DEF8: variants seen among roughly 807,000 people sequenced by gnomAD.
DEF8 encodes differentially expressed in FDCP 8 homolog.
A neutral mutation model predicts 59.1 loss-of-function variants in DEF8; 38 were observed. That is an observed-to-expected ratio of 0.64 (90% CI 0.50 to 0.84). DEF8 has a LOEUF of 0.84. Among genes scored for constraint, DEF8 ranks in the 40% least tolerant of loss-of-function variants. DEF8 has a pLI of 0.00. For synonymous variants in DEF8, 265 were observed against 250.1 expected, an observed-to-expected ratio of 1.06 and a Z score of -0.56; for missense variants, 557 against 615.2, an observed-to-expected ratio of 0.91 and a Z score of 1.00.
chr16:89,962,032 C>G lies in DEF8; in HGVS notation c.828C>G (p.Arg276=), dbSNP rs1311045053. The part of the protein sequence containing the change: ...EPRKVSRCSM[R]YLALMVSRPV... ...GGCAGGTTTCTCGCTGCAGCATGCG[C>G]TACCTGGCGCTGATGGTGTCTCGGC... The change falls in exon 9 of 13, where the codon CGC becomes CGG. Residue 276 remains arginine (R), a synonymous_variant. Coordinates refer to ENST00000563594, the MANE Select transcript of DEF8 (RefSeq NM_001242818.2). The G allele has an allele frequency of 6.2e-7, 1 of 1,613,958 alleles. No homozygotes were observed. Among genetic ancestry groups the G allele is most frequent in the Non-Finnish European group, 8.5e-7 (1 of 1,180,018 alleles).
chr16:89,964,336 T>C (rs1347991944), intron 11 of DEF8, 26 bp downstream of exon 11: 5 of 1,565,920 alleles, frequency 3.2e-6, no homozygotes, highest in Non-Finnish European at 4.3e-6. Flanking sequence ...AGGGCCGCTC[T>C]TCTCCAACCC....
chr16:89,955,778 T>A (rs192821673), intron 4 of DEF8, among the ~76,000 whole-genome samples: 410 of 152,238 alleles, frequency 2.7e-3, no homozygotes, highest in Non-Finnish European at 4.0e-3. Context: ...ATGATTTTTT[T>A]AAAAAAGTTT....
In DEF8 at chr16:89,964,170, C is replaced by T; in HGVS notation, c.1003C>T (p.Leu335Phe). 6.2e-7 allele frequency: 1 copy of T among 1,613,926 alleles called. No individual in the cohort carries two copies. Among genetic ancestry groups the T allele is most frequent in the Non-Finnish European group, 8.5e-7 (1 of 1,179,970 alleles). The change falls in exon 11 of 13, where the codon CTC (leucine) becomes TTC (phenylalanine). Residue 335 changes from leucine (L) to phenylalanine (F), a missense_variant and splice_region_variant. Leu to Phe is a conservative substitution (Grantham distance 22). Coordinates refer to ENST00000563594, the MANE Select transcript of DEF8 (RefSeq NM_001242818.2). ...CGTCACGGCTGCTGGGACTTGGCAG[C>T]TCCAGGATCGGCAGCATTTTGTGGA... ...EAMEARLLLQ[L>F]QDRQHFVEND...
At chr16:89,953,002 G>A (rs1334012323) in intron 2 of DEF8, among the ~76,000 whole-genome samples, 1 of 152,216 alleles carries the variant, frequency 6.6e-6, no homozygotes, top group African/African-American at 2.4e-5. Flanking sequence ...TCCCCTCTGG[G>A]CTCAGCTCTC....
At chr16:89,948,878 G>A (rs1450753201) in intron 1 of DEF8, 64 bp downstream of exon 1, 1 of 436,988 alleles carries the variant, frequency 2.3e-6, no homozygotes, top group African/African-American at 5.3e-5. Context: ...GACGGGGCCG[G>A]CGGGGACGGG....
chr16:89,951,916 T>C (rs939280301), intron 2 of DEF8, among the ~76,000 whole-genome samples: 9 of 152,158 alleles, frequency 5.9e-5, no homozygotes, highest in South Asian at 2.1e-4. Context: ...CTCGCTCTGT[T>C]GCCCAGGCTG....
intron 6 of DEF8, among the ~76,000 whole-genome samples, chr16:89,959,748 C>T (rs918449957): frequency 1.3e-5 from 2 of 152,246 alleles, no homozygotes; most frequent in African/African-American, 2.4e-5. Context: ...CCGTCCACCT[C>T]GGCCTCCCAA....
chr16:89,966,009 A>C lies in DEF8; in HGVS notation c.*46A>C, dbSNP rs1234575783. 1.4e-6 allele frequency: 2 copies of C among 1,437,306 alleles called. No homozygotes were observed. Among genetic ancestry groups the C allele is most frequent in the Non-Finnish European group, 1.9e-6 (2 of 1,031,118 alleles). The allele number at this position is 1,437,306 out of a possible 1,614,324, so 89.0% of individuals were successfully genotyped here. A position where few individuals can be genotyped will look rare whatever the true frequency, so the allele number is the denominator to read the frequency against. The stretch of plus-strand genomic sequence containing the variant: ...CACCCCGCCTGGCCCGCCAGGACCC[A>C]CCCTGCCAACATCAAGTTGTTCCTT... On this transcript the variant is annotated 3_prime_UTR_variant, in exon 13 of 13. Coordinates refer to ENST00000563594, the MANE Select transcript of DEF8 (RefSeq NM_001242818.2).
intron 5 of DEF8, chr16:89,958,228 C>T (rs574205941): frequency 6.5e-6 from 1 of 152,792 alleles, no homozygotes; most frequent in South Asian, 2.0e-4. Context: ...GGCCGATTGG[C>T]TAGTTCTGGG....
intron 4 of DEF8, among the ~76,000 whole-genome samples, chr16:89,956,195 C>T (rs12596182): frequency 0.05 from 7,533 of 151,798 alleles, 359 homozygotes; most frequent in East Asian, 0.26. Flanking sequence ...TGGTGGCTCA[C>T]GCCTGTAATC....
At chr16:89,960,626 G>A (rs1232649116) in intron 6 of DEF8, among the ~76,000 whole-genome samples, 1 of 151,464 alleles carries the variant, frequency 6.6e-6, no homozygotes, top group African/African-American at 2.4e-5. Context: ...AGGGGCTTGG[G>A]GTCGGGGGTG....
Position 89,966,071 on chromosome 16 carries a change from CT to C in DEF8, c.*109del, listed in dbSNP as rs2151228578. On this transcript the variant is annotated 3_prime_UTR_variant, in exon 13 of 13. Transcript: ENST00000563594. The stretch of plus-strand genomic sequence containing the variant: ...ACCCCTGGGGTGCGGCCCTGGCCCC[CT>C]CCACCCCTGCTGGGCCAGAGCGGGT... 5 of 808,586 alleles carry C rather than the reference CT, an allele frequency of 6.2e-6. No homozygotes were observed. The South Asian group carries it at 8.4e-5, about 14-fold the overall frequency. 50.1% of individuals were successfully genotyped at this position (808,586 alleles called of 1,614,324 possible).
rs770184301 is a variant in DEF8, at chr16:89,955,168, G to C, written c.125-1G>C. On this transcript the variant is annotated splice_acceptor_variant, in intron 3 of 12. Transcript: ENST00000563594. LOFTEE classifies it high-confidence loss of function. ...CCACACCTGTCCCCGTCTTCCTCCAGAGGCCCTGCCTGAGCTGCCCCCTGG... is the reference window on the plus strand; with the variant it reads ...CCACACCTGTCCCCGTCTTCCTCCACAGGCCCTGCCTGAGCTGCCCCCTGG... The C allele has an allele frequency of 1.2e-6, 2 of 1,612,530 alleles. No homozygotes were observed. The highest frequency in any genetic ancestry group is 1.7e-6 in the Non-Finnish European group (2 of 1,179,390).
intron 12 of DEF8, 81 bp downstream of exon 12, chr16:89,964,656 G>A (rs762966727): frequency 1.0e-5 from 11 of 1,081,652 alleles, no homozygotes; most frequent in Non-Finnish European, 1.4e-5. Flanking sequence ...CCTCCGGTAG[G>A]ATGATGCCGT....
intron 6 of DEF8, 146 bp from the exon 7 acceptor site, chr16:89,960,785 C>T: frequency 1.2e-6 from 1 of 834,980 alleles, no homozygotes; most frequent in Non-Finnish European, 1.9e-6. Context: ...CTTTGAGGTT[C>T]TAAGGCCTCC....
At chr16:89,962,523 GGTGT>G in intron 9 of DEF8, among the ~76,000 whole-genome samples, 1 of 152,026 alleles carries the variant, frequency 6.6e-6, no homozygotes, top group African/African-American at 2.4e-5. Context: ...CGGGCATGGT[GGTGT>G]GTGCCTGTAT....
intron 3 of DEF8, 94 bp from the exon 4 acceptor site, chr16:89,955,075 C>A: frequency 1.0e-6 from 1 of 966,972 alleles, no homozygotes; most frequent in South Asian, 1.4e-5. Context: ...TTCCTGAATC[C>A]CTTTCCCACT....
Position 89,962,004 on chromosome 16 carries a change from C to T in DEF8, c.808-8C>T, listed in dbSNP as rs1426178485. ...GTGTGAGAGGTGTCACCCGGCCGTG[C>T]CTGGCAGGTTTCTCGCTGCAGCATG... is the stretch of plus-strand genomic sequence containing the variant. On this transcript the variant is annotated splice_polypyrimidine_tract_variant and splice_region_variant and intron_variant, in intron 8 of 12. Coordinates refer to ENST00000563594, the MANE Select transcript of DEF8 (RefSeq NM_001242818.2). 1.2e-6 allele frequency: 2 copies of T among 1,613,686 alleles called. No individual in the cohort carries two copies. Among genetic ancestry groups the T allele is most frequent in the Admixed American group, 1.7e-5 (1 of 60,020 alleles).
chr16:89,951,991 C>T, intron 2 of DEF8, among the ~76,000 whole-genome samples: 1 of 152,064 alleles, frequency 6.6e-6, no homozygotes. Flanking sequence ...TATTCTGCTG[C>T]CTCAGCCTCC....
Sources: allele counts gnomAD v4.1 joint callset (sites outside exome capture counted in the v4.1 genomes callset), GRCh38; gene constraint gnomAD v4.1.1; transcripts MANE v1.5; gene names NCBI Gene and HGNC (gene_info 2026-07-23, HGNC 2026-07-21).